Variants in F11R observed in about 807,000 individuals in gnomAD.
The protein encoded by F11R is junctional adhesion molecule A.
F11R carries 27 observed loss-of-function variants against 39.3 expected under a neutral mutation model. The ratio of observed to expected loss-of-function variants is 0.69; its 90% CI spans 0.51 to 0.95. The LOEUF (loss-of-function observed/expected upper bound fraction) is 0.95. F11R is among the 40% of genes least tolerant of loss of function. The pLI is 0.00. For missense variants in F11R, 335 were observed against 372.7 expected (o/e 0.90, Z 0.83); for synonymous variants, 131 against 144.9 (o/e 0.90, Z 0.69).
chr1:161,000,818 G>A (rs1351424291), intron 3 of F11R, 41 bp from the exon 4 acceptor site: 2 of 1,612,944 alleles, frequency 1.2e-6, no homozygotes, highest in Admixed American at 3.3e-5. Flanking sequence ...GAGTGAACTG[G>A]AGAGCTAAGG....
At chr1:161,009,449 C>T (rs1466516406) in intron 1 of F11R, among the ~76,000 whole-genome samples, 1 of 144,384 alleles carries the variant, frequency 6.9e-6, no homozygotes, top group Non-Finnish European at 1.5e-5. Context: ...GTGAGACCCC[C>T]ATCTGTACCA....
intron 1 of F11R, among the ~76,000 whole-genome samples, chr1:161,016,302 T>G (rs1398379697): frequency 6.6e-6 from 1 of 151,976 alleles, no homozygotes; most frequent in African/African-American, 2.4e-5. Context: ...CAGTGAAACC[T>G]CGTCTCAACT....
At chr1:161,000,010 GAAGAA>G in intron 5 of F11R, 32 bp from the exon 6 acceptor site, 1 of 1,607,842 alleles carries the variant, frequency 6.2e-7, no homozygotes. Flanking sequence ...GCTTCCTGCT[GAAGAA>G]GCAAAATAGA....
intron 2 of F11R, 54 bp downstream of exon 2, chr1:161,001,231 C>A (rs1457754027): frequency 6.2e-7 from 1 of 1,603,828 alleles, no homozygotes; most frequent in East Asian, 2.2e-5. Flanking sequence ...TCTAGATCCC[C>A]AGGCGGCCGG....
intron 1 of F11R, among the ~76,000 whole-genome samples, chr1:161,007,832 C>G (rs986869157): frequency 2.0e-5 from 3 of 152,148 alleles, no homozygotes; most frequent in Admixed American, 6.6e-5. Flanking sequence ...GTCATTGCAG[C>G]TGCCTTGGGA....
At chr1:161,006,147 A>G (rs2265243) in intron 1 of F11R, among the ~76,000 whole-genome samples, 37,681 of 148,172 alleles carry the variant, frequency 0.25, 5,011 homozygotes, top group Middle Eastern at 0.3. Context: ...CAAAAAAAAA[A>G]GGGGGGGGGC....
chr1:160,998,953 T>G, intron 9 of F11R, 47 bp from the exon 10 acceptor site: 3 of 1,613,874 alleles, frequency 1.9e-6, no homozygotes, highest in Non-Finnish European at 2.5e-6. Flanking sequence ...CTTCTTTAGC[T>G]GATAATCCCC....
chr1:161,017,355 G>T (rs1306858859), intron 1 of F11R, among the ~76,000 whole-genome samples: 2 of 152,220 alleles, frequency 1.3e-5, no homozygotes, highest in African/African-American at 4.8e-5. Flanking sequence ...CTGGGCAATG[G>T]AATGTCTCGG....
rs1648277440 is a variant in F11R, at chr1:160,998,781, G to A, written c.*90C>T. Reference sequence around the variant, plus strand: ...CTGTGGGGTGTAGAAGACAAATAAGGCATCCTGTGAAACTACAGACATCAG... The same window carrying A: ...CTGTGGGGTGTAGAAGACAAATAAGACATCCTGTGAAACTACAGACATCAG... On this transcript the variant is annotated 3_prime_UTR_variant, in exon 10 of 10. Coordinates refer to ENST00000368026, the MANE Select transcript of F11R (RefSeq NM_016946.6). 1 of 1,302,916 alleles carries A rather than the reference G, an allele frequency of 7.7e-7. No individual in the cohort carries two copies. Among genetic ancestry groups the A allele is most frequent in the East Asian group, 2.3e-5 (1 of 43,228 alleles). The allele number at this position is 1,302,916 out of a possible 1,614,324, so 80.7% of individuals were successfully genotyped here.
At chr1:161,015,590 CAAAAA>C (rs35166075) in intron 1 of F11R, among the ~76,000 whole-genome samples, 1 of 127,918 alleles carries the variant, frequency 7.8e-6, no homozygotes, top group Non-Finnish European at 1.6e-5. Context: ...GACTTTGTCT[CAAAAA>C]AAAAAAAAAA....
chr1:161,013,443 T>C (rs1055264955), intron 1 of F11R, among the ~76,000 whole-genome samples: 1 of 152,218 alleles, frequency 6.6e-6, no homozygotes, highest in African/African-American at 2.4e-5. Context: ...GCAATACAAT[T>C]AGAACCTGGA....
rs1648308470 is a variant in F11R, at chr1:160,999,109, G to A, written c.816-18C>T. On this transcript the variant is annotated intron_variant, in intron 8 of 9. Coordinates refer to ENST00000368026, the MANE Select transcript of F11R (RefSeq NM_016946.6). The stretch of plus-strand genomic sequence containing the variant: ...TCGAAGTCCTGTGAACAAGCCAGAA[G>A]ACAGAGACACTCAGCCACCTAGGTG... The A allele has an allele frequency of 1.2e-6, 2 of 1,614,174 alleles. No individual in the cohort carries two copies. Among genetic ancestry groups the A allele is most frequent in the Non-Finnish European group, 1.7e-6 (2 of 1,180,026 alleles).
At chr1:161,012,598 A>T (rs569620286) in intron 1 of F11R, among the ~76,000 whole-genome samples, 144 of 99,654 alleles carry the variant, frequency 1.4e-3, no homozygotes, top group Middle Eastern at 5.3e-3. Flanking sequence ...TGAATTAATT[A>T]ATTTTATTTA....
In F11R at chr1:160,997,966, TTTC is replaced by T. The variant is rs1476612627; in HGVS notation, c.*902_*904del. The T allele has an allele frequency of 1.5e-4, 14 of 95,340 alleles. No homozygotes were observed. Among genetic ancestry groups the T allele is most frequent in the African/African-American group, 6.9e-4 (10 of 14,408 alleles). The allele number at this position is 95,340 out of a possible 1,614,324, so 5.9% of individuals were successfully genotyped here. ...AGCCACCAGCTCCAGCTTTCTTTTC[TTTC>T]TTTTTTTTTTTGAGCTGGAGTTTTG... On this transcript the variant is annotated 3_prime_UTR_variant, in exon 10 of 10. Coordinates refer to ENST00000368026, the MANE Select transcript of F11R (RefSeq NM_016946.6).
chr1:161,001,056 T>C lies in F11R; in HGVS notation c.205A>G (p.Thr69Ala). Residue 69 changes from threonine to alanine, a missense_variant, in exon 3 of 10, where the codon ACC (threonine) becomes GCC (alanine). Thr to Ala is a moderately conservative substitution (Grantham distance 58, BLOSUM62 0). Coordinates refer to ENST00000368026, the MANE Select transcript of F11R (RefSeq NM_016946.6). ...RVEWKFDQGD[T>A]TRLVCYNNKI... is the part of the protein sequence containing the mutation. ...TTATTATAGCAAACGAGTCTGGTGGTGTCTCCTTGGTCAAACTTCCACTCC... is the reference window on the plus strand; with the variant it reads ...TTATTATAGCAAACGAGTCTGGTGGCGTCTCCTTGGTCAAACTTCCACTCC... 6.2e-7 allele frequency: 1 copy of C among 1,614,104 alleles called. No individual in the cohort carries two copies. The highest frequency in any genetic ancestry group is 8.5e-7 in the Non-Finnish European group (1 of 1,180,004).
intron 1 of F11R, among the ~76,000 whole-genome samples, chr1:161,018,266 C>T (rs1414281642): frequency 6.6e-6 from 1 of 152,254 alleles, no homozygotes; most frequent in Non-Finnish European, 1.5e-5. Flanking sequence ...AGGCCTTTGC[C>T]TGACTTGTCA....
chr1:161,012,740 T>C (rs1649238744), intron 1 of F11R, among the ~76,000 whole-genome samples: 1 of 151,988 alleles, frequency 6.6e-6, no homozygotes, highest in Non-Finnish European at 1.5e-5. Context: ...TTCTCCTGCC[T>C]CAGCCTCCCA....
intron 1 of F11R, among the ~76,000 whole-genome samples, chr1:161,003,068 G>A (rs1303369609): frequency 1.4e-5 from 2 of 146,126 alleles, no homozygotes; most frequent in African/African-American, 2.5e-5. Flanking sequence ...ATTCTCTTCA[G>A]CCTTCCAAAC....
chr1:161,005,307 A>G (rs1348057228), intron 1 of F11R, among the ~76,000 whole-genome samples: 4 of 138,942 alleles, frequency 2.9e-5, no homozygotes, highest in Admixed American at 7.5e-5. Context: ...TCCCTCCCCT[A>G]CCTCCCCTAT....
Sources: gnomAD v4.1 joint callset for allele counts (sites outside exome capture counted in the v4.1 genomes callset) on GRCh38, gnomAD v4.1.1 for gene constraint, MANE v1.5 for transcripts, NCBI Gene and HGNC (gene_info 2026-07-23, HGNC 2026-07-21) for gene names.